RBMS3: variants seen among roughly 807,000 people sequenced by gnomAD.
RBMS3 encodes RNA-binding motif, single-stranded-interacting protein 3.
Under a neutral mutation model 66.8 loss-of-function variants are expected in RBMS3, and 27 were observed. The ratio of observed to expected loss-of-function variants is 0.40; its 90% confidence interval spans 0.30 to 0.56. RBMS3 has a LOEUF of 0.56. Among genes scored for constraint, RBMS3 ranks in the 20% least tolerant of loss-of-function variants. RBMS3 has a pLI of 0.40. For synonymous variants in RBMS3, 188 were observed against 183.0 expected, an observed-to-expected ratio of 1.03 and a Z score of -0.22; for missense variants, 513 against 549.5, an observed-to-expected ratio of 0.93 and a Z score of 0.66.
intron 14 of RBMS3, among the ~76,000 whole-genome samples, chr3:29,998,322 T>C (rs1271950049): frequency 1.3e-5 from 2 of 152,118 alleles, no homozygotes; most frequent in African/African-American, 4.8e-5. Context: ...ATCAATATCG[T>C]GAAATTGGCC....
At chr3:29,713,470 CT>C (rs2053257233) in intron 4 of RBMS3, among the ~76,000 whole-genome samples, 1 of 152,102 alleles carries the variant, frequency 6.6e-6, no homozygotes, top group African/African-American at 2.4e-5. Context: ...GAGTATGCCA[CT>C]CACCTGGCTG....
At chr3:29,813,932 A>G (rs1465879409) in intron 6 of RBMS3, among the ~76,000 whole-genome samples, 1 of 152,062 alleles carries the variant, frequency 6.6e-6, no homozygotes, top group African/African-American at 2.4e-5. Flanking sequence ...GCAAACAGGG[A>G]CAATTTGACT....
rs745656126 is a variant in RBMS3 at position 29,897,393 on chromosome 3, C to T, written c.806C>T (p.Pro269Leu). The T allele has an allele frequency of 6.2e-6, 10 of 1,610,446 alleles. No individual in the cohort carries two copies. Among genetic ancestry groups the T allele is most frequent in the East Asian group, 2.2e-5 (1 of 44,784 alleles). Reference sequence around the variant, plus strand: ...TCTGTTTGCAGATTTTATTCTTCACCGTACAGTATTGCAACCAACCGCATG... The same window carrying T: ...TCTGTTTGCAGATTTTATTCTTCACTGTACAGTATTGCAACCAACCGCATG... Reference protein sequence around the residue: ...AAIQNGFYSSPYSIATNRMIP... With the variant: ...AAIQNGFYSSLYSIATNRMIP... The change falls in exon 9 of 15, where the codon CCG becomes CTG. Residue 269 changes from proline (P) to leucine (L), a missense_variant. Transcript: ENST00000383767.
chr3:29,937,016 G>A (rs184813407), intron 11 of RBMS3, among the ~76,000 whole-genome samples: 5 of 152,070 alleles, frequency 3.3e-5, no homozygotes, highest in Admixed American at 3.3e-4. Context: ...TTTTATTTTC[G>A]TAAATGTTAG....
intron 1 of RBMS3, among the ~76,000 whole-genome samples, chr3:29,421,920 A>T (rs1246531970): frequency 6.6e-6 from 1 of 152,220 alleles, no homozygotes; most frequent in African/African-American, 2.4e-5. Flanking sequence ...TATACCTGTT[A>T]ACCAAAAGAA....
chr3:29,583,117 C>T (rs1051291377), intron 3 of RBMS3, among the ~76,000 whole-genome samples: 1 of 152,110 alleles, frequency 6.6e-6, no homozygotes, highest in Admixed American at 6.5e-5. Context: ...TTTATAAGTA[C>T]GCTTTTTTCA....
At chr3:29,690,951 A>G (rs1296165598) in intron 4 of RBMS3, among the ~76,000 whole-genome samples, 1 of 152,236 alleles carries the variant, frequency 6.6e-6, no homozygotes, top group Non-Finnish European at 1.5e-5. Context: ...TTTAGATTTC[A>G]TAATTAGCAT....
intron 10 of RBMS3, among the ~76,000 whole-genome samples, chr3:29,909,191 A>G (rs996991014): frequency 5.9e-5 from 9 of 152,106 alleles, no homozygotes; most frequent in Non-Finnish European, 8.8e-5. Context: ...TACGTATTGA[A>G]GTACAACTTT....
intron 4 of RBMS3, among the ~76,000 whole-genome samples, chr3:29,682,302 T>C: frequency 6.6e-6 from 1 of 152,130 alleles, no homozygotes. Context: ...CACGCCACCA[T>C]GTCCAGGTAA....
chr3:29,671,035 C>G (rs892739535), intron 4 of RBMS3, among the ~76,000 whole-genome samples: 1 of 152,130 alleles, frequency 6.6e-6, no homozygotes, highest in African/African-American at 2.4e-5. Context: ...AGGCCGAGTG[C>G]CCCTCTGAGA....
chr3:29,857,938 C>T (rs1309694430), intron 6 of RBMS3, among the ~76,000 whole-genome samples: 1 of 152,042 alleles, frequency 6.6e-6, no homozygotes, highest in African/African-American at 2.4e-5. Flanking sequence ...CATAATTATG[C>T]CACAATACTA....
chr3:29,533,119 G>A (rs1259564926), intron 3 of RBMS3, among the ~76,000 whole-genome samples: 2 of 152,028 alleles, frequency 1.3e-5, no homozygotes, highest in East Asian at 1.9e-4. Context: ...CTAAATGGTC[G>A]ATAGAAATTT....
chr3:29,674,923 C>CA (rs1426995456), intron 4 of RBMS3, among the ~76,000 whole-genome samples: 2 of 151,986 alleles, frequency 1.3e-5, no homozygotes, highest in African/African-American at 4.8e-5. Flanking sequence ...CATATAGAAC[C>CA]AAAAAAGAGC....
At chr3:29,852,491 G>C (rs1388972978) in intron 6 of RBMS3, among the ~76,000 whole-genome samples, 1 of 152,064 alleles carries the variant, frequency 6.6e-6, no homozygotes, top group Non-Finnish European at 1.5e-5. Context: ...ATTAACAAGT[G>C]GGCAAAGGAC....
At chr3:29,342,021 T>C (rs547601925) in intron 1 of RBMS3, among the ~76,000 whole-genome samples, 23 of 152,266 alleles carry the variant, frequency 1.5e-4, no homozygotes, top group Admixed American at 1.2e-3. Flanking sequence ...TTTAGTCAGA[T>C]TGCATCCCTG....
intron 6 of RBMS3, among the ~76,000 whole-genome samples, chr3:29,859,442 T>C (rs1052233803): frequency 6.6e-6 from 1 of 152,202 alleles, no homozygotes; most frequent in Non-Finnish European, 1.5e-5. Flanking sequence ...GAGAAAGCGT[T>C]CACTTAGATA....
At chr3:29,811,206 T>G (rs1237050433) in intron 6 of RBMS3, among the ~76,000 whole-genome samples, 1 of 152,134 alleles carries the variant, frequency 6.6e-6, no homozygotes, top group Non-Finnish European at 1.5e-5. Context: ...CGCTGAAGAC[T>G]GGGGCTCTCC....
chr3:29,526,228 T>G (rs1002042238), intron 3 of RBMS3: 2 of 152,012 alleles, frequency 1.3e-5, no homozygotes, highest in Non-Finnish European at 2.9e-5. Context: ...AGGTAAAGTT[T>G]GAGAAGCAGG....
intron 4 of RBMS3, among the ~76,000 whole-genome samples, chr3:29,632,700 A>G (rs1388585019): frequency 6.6e-6 from 1 of 151,934 alleles, no homozygotes; most frequent in African/African-American, 2.4e-5. Context: ...TGACATTTTA[A>G]GAACACCAAA....
Sources: allele counts gnomAD v4.1 joint callset (sites outside exome capture counted in the v4.1 genomes callset), GRCh38; gene constraint gnomAD v4.1.1; transcripts MANE v1.5; gene names NCBI Gene and HGNC (gene_info 2026-07-23, HGNC 2026-07-21).